Variants in FAM227A observed in about 807,000 individuals in gnomAD.
The protein encoded by FAM227A is family with sequence similarity 227 member A.
Under a neutral mutation model 74.7 loss-of-function variants are expected in FAM227A, and 80 were observed. That is an observed-to-expected ratio of 1.07 (90% CI 0.89 to 1.29). FAM227A has a LOEUF of 1.29. FAM227A is among the 50% of genes most tolerant of loss of function. The probability of loss-of-function intolerance (pLI) is 0.00; values close to 1 mark genes in which losing one functional copy is unlikely to be tolerated. For synonymous variants in FAM227A, 237 were observed against 241.8 expected, an observed-to-expected ratio of 0.98 and a Z score of 0.19; for missense variants, 654 against 683.4, an observed-to-expected ratio of 0.96 and a Z score of 0.48.
intron 16 of FAM227A, among the ~76,000 whole-genome samples, chr22:38,589,844 T>C (rs536787357): frequency 6.6e-6 from 1 of 152,298 alleles, no homozygotes; most frequent in South Asian, 2.1e-4. Flanking sequence ...TTCATGTCTG[T>C]AATCCCAGCA....
At chr22:38,647,569 G>C (rs978880090) in intron 2 of FAM227A, among the ~76,000 whole-genome samples, 1 of 152,184 alleles carries the variant, frequency 6.6e-6, no homozygotes, top group Non-Finnish European at 1.5e-5. Flanking sequence ...ATTTTCAGGG[G>C]ACAGATGACG....
intron 16 of FAM227A, among the ~76,000 whole-genome samples, chr22:38,586,692 C>T (rs572579241): frequency 1.6e-4 from 25 of 152,052 alleles, no homozygotes; most frequent in African/African-American, 5.8e-4. Flanking sequence ...TTTTTTGGGA[C>T]GGAGTATCGC....
chr22:38,592,044 G>A (rs1043418785), intron 15 of FAM227A, among the ~76,000 whole-genome samples: 2 of 151,866 alleles, frequency 1.3e-5, no homozygotes, highest in African/African-American at 4.8e-5. Flanking sequence ...CGCCTCCTGG[G>A]TTCAAGCGAT....
At chr22:38,600,946 G>A (rs1300331078) in intron 13 of FAM227A, among the ~76,000 whole-genome samples, 2 of 140,348 alleles carry the variant, frequency 1.4e-5, no homozygotes, top group South Asian at 2.2e-4. Flanking sequence ...GTGAGACTCC[G>A]TCTCAAAAAA....
At chr22:38,590,493 T>C (rs2090908797) in intron 16 of FAM227A, among the ~76,000 whole-genome samples, 1 of 151,994 alleles carries the variant, frequency 6.6e-6, no homozygotes, top group South Asian at 2.1e-4. Flanking sequence ...GGGAAGAGGA[T>C]CAAGAGACAG....
Position 38,599,853 on chromosome 22 carries a change from C to CTGG in FAM227A, c.1289_1290insCCA (p.Leu430_Ile431insGln), listed in dbSNP as rs1181164009. ...CATAGTTCTGGAGAAAGTACACAAT[C>CTGG]AGAGGGCTCTTCCCATAAATGTTGA... On this transcript the variant is annotated inframe_insertion, in exon 14 of 17. Coordinates refer to ENST00000535113, the MANE Select transcript of FAM227A (RefSeq NM_001013647.2). 6.4e-7 allele frequency: 1 copy of CTGG among 1,551,606 alleles called. No individual in the cohort carries two copies. Among genetic ancestry groups the CTGG allele is most frequent in the Non-Finnish European group, 8.7e-7 (1 of 1,146,942 alleles).
chr22:38,646,248 C>CTTTT lies in FAM227A; in HGVS notation c.143-607_143-604dup, dbSNP rs1165890437. ...CTTGGGAATTTTCCTTCCAGTATTT[C>CTTTT]TTTTTTTTTTTTTTTTTTTTTTTTT... On this transcript the variant is annotated intron_variant, in intron 2 of 16. Transcript: ENST00000535113. Among the ~76,000 whole-genome samples the CTTTT allele has an allele frequency of 1.1e-3, 90 of 82,396 alleles. 8 individuals are homozygous for CTTTT. The highest frequency in any genetic ancestry group is 3.0e-3 in the African/African-American group (57 of 19,026). 54.1% of individuals were successfully genotyped at this position (82,396 alleles called of 152,430 possible).
At chr22:38,595,977 G>A (rs916052834) in intron 15 of FAM227A, among the ~76,000 whole-genome samples, 18 of 151,118 alleles carry the variant, frequency 1.2e-4, no homozygotes, top group Admixed American at 5.3e-4. Context: ...ATAAGGGGGG[G>A]GGGGCAGGAT....
intron 16 of FAM227A, among the ~76,000 whole-genome samples, chr22:38,587,407 G>A (rs1321400717): frequency 6.6e-6 from 1 of 152,040 alleles, no homozygotes; most frequent in African/African-American, 2.4e-5. Flanking sequence ...ATGAAAGTGA[G>A]AACATGATTA....
intron 2 of FAM227A, among the ~76,000 whole-genome samples, chr22:38,647,486 T>G (rs5757200): frequency 0.3 from 44,896 of 151,632 alleles, 6,731 homozygotes; most frequent in East Asian, 0.36. Flanking sequence ...AAAAGAAAAA[T>G]AAATAATGCT....
At chr22:38,654,624 C>A (rs1260680206) in intron 1 of FAM227A, among the ~76,000 whole-genome samples, 2 of 151,582 alleles carry the variant, frequency 1.3e-5, no homozygotes, top group African/African-American at 4.8e-5. Context: ...CAGAATGAGA[C>A]CCTGTCTCAA....
At chr22:38,630,887 G>A (rs2091902863) in intron 6 of FAM227A, among the ~76,000 whole-genome samples, 2 of 152,218 alleles carry the variant, frequency 1.3e-5, no homozygotes, top group South Asian at 2.1e-4. Context: ...TAACTGGATG[G>A]CCAGGCGCAG....
intron 1 of FAM227A, among the ~76,000 whole-genome samples, chr22:38,651,714 T>A (rs560621907): frequency 9.9e-5 from 15 of 152,228 alleles, no homozygotes; most frequent in African/African-American, 3.6e-4. Flanking sequence ...TGGTAAGTTT[T>A]TACTGCCATT....
Position 38,599,780 on chromosome 22 carries a change from T to C in FAM227A, c.1363A>G (p.Lys455Glu), listed in dbSNP as rs1327605342. 3.2e-6 allele frequency: 5 copies of C among 1,551,280 alleles called. No homozygotes were observed. The Admixed American group carries it at 9.8e-5, about 30-fold the overall frequency. The change falls in exon 14 of 17, where the codon AAG becomes GAG. Residue 455 changes from lysine (K) to glutamate (E), a missense_variant. Lys to Glu is a moderately conservative substitution (Grantham distance 56). Coordinates refer to ENST00000535113, the MANE Select transcript of FAM227A (RefSeq NM_001013647.2). ...CAAGGATATGGGGTGCTCGTGGTCT[T>C]TTCCCTTCTGACTATCAACACATTC... ...GKNVLIVRRE[K>E]TTSTPDCTPT...
chr22:38,628,337 G>T lies in FAM227A; in HGVS notation c.627C>A (p.Asn209Lys). Reference protein sequence around the residue: ...WWIFHERYQPNKELQNNLFDR... With the variant: ...WWIFHERYQPKKELQNNLFDR... ...CAAACAGATTATTCTGGAGCTCCTTGTTTGGCTGCCAGGAATAGAAATGAA... is the reference window on the plus strand; with the variant it reads ...CAAACAGATTATTCTGGAGCTCCTTTTTTGGCTGCCAGGAATAGAAATGAA... The change falls in exon 8 of 17, where the codon AAC becomes AAA. Residue 209 changes from asparagine to lysine, a missense_variant. Coordinates refer to ENST00000535113, the MANE Select transcript of FAM227A (RefSeq NM_001013647.2). The T allele has an allele frequency of 1.3e-6, 2 of 1,549,426 alleles. No homozygotes were observed. The highest frequency in any genetic ancestry group is 1.4e-5 in the African/African-American group (1 of 73,104).
At chr22:38,623,907 T>C (rs2091743466) in intron 9 of FAM227A, among the ~76,000 whole-genome samples, 1 of 152,170 alleles carries the variant, frequency 6.6e-6, no homozygotes, top group East Asian at 1.9e-4. Flanking sequence ...AAGGATTACT[T>C]GAGACATTTG....
rs1191968882 is a variant in FAM227A, at chr22:38,579,250, A to C, written c.*6875T>G. The C allele has an allele frequency of 6.6e-6, 1 of 152,220 alleles. No homozygotes were observed. Among genetic ancestry groups the C allele is most frequent in the African/African-American group, 2.4e-5 (1 of 41,468 alleles). The allele number at this position is 152,220 out of a possible 1,614,324, so 9.4% of individuals were successfully genotyped here. A position where few individuals can be genotyped will look rare whatever the true frequency, so the allele number is the denominator to read the frequency against. On this transcript the variant is annotated 3_prime_UTR_variant, in exon 17 of 17. Coordinates refer to ENST00000535113, the MANE Select transcript of FAM227A (RefSeq NM_001013647.2). ...AAATTATTTAACCTCTCTGTGCCTG[A>C]GTTTCGGTATCTGAAAACCAAGAAT...
In FAM227A at chr22:38,629,973, G is replaced by A. The variant is rs561998633; in HGVS notation, c.520-1038C>T. On this transcript the variant is annotated intron_variant, in intron 6 of 16. Transcript: ENST00000535113. ...TGCCTCTCCTTTACCATCAGGAAGC[G>A]TGCCTCTTCTTTAACCATCACTCAC... Among the ~76,000 whole-genome samples, 5 of 130,096 alleles carry A rather than the reference G, an allele frequency of 3.8e-5. No homozygotes were observed. In the South Asian group the frequency reaches 1.3e-3, roughly 35 times the overall value. The allele number at this position is 130,096 out of a possible 152,430, so 85.3% of individuals were successfully genotyped here. A position where few individuals can be genotyped will look rare whatever the true frequency, so the allele number is the denominator to read the frequency against.
Position 38,613,132 on chromosome 22 carries a change from A to C in FAM227A, c.1039-5656T>G, listed in dbSNP as rs1288628768. Among the ~76,000 whole-genome samples the C allele has an allele frequency of 9.6e-5, 9 of 93,874 alleles. No individual in the cohort carries two copies. In the East Asian group the frequency reaches 2.1e-3, roughly 22 times the overall value. 61.6% of individuals were successfully genotyped at this position (93,874 alleles called of 152,430 possible). ...ATATATATATTATATATAATTATATATATAATATATATATTATATATTATA... is the reference window on the plus strand; with the variant it reads ...ATATATATATTATATATAATTATATCTATAATATATATATTATATATTATA... On this transcript the variant is annotated intron_variant, in intron 11 of 16. Coordinates refer to ENST00000535113, the MANE Select transcript of FAM227A (RefSeq NM_001013647.2).
Sources: allele counts gnomAD v4.1 joint callset (sites outside exome capture counted in the v4.1 genomes callset), GRCh38; gene constraint gnomAD v4.1.1; transcripts MANE v1.5; gene names NCBI Gene and HGNC (gene_info 2026-07-23, HGNC 2026-07-21).